The following PDLIM1 variants were observed in gnomAD, a reference collection of about 807,000 sequenced individuals.
PDLIM1 encodes the protein PDZ and LIM domain 1, also known as PDZ and LIM domain protein 1.
Under a neutral mutation model 35.2 loss-of-function variants are expected in PDLIM1, and 25 were observed. The observed-to-expected ratio is 0.71, with a 90% CI of 0.52 to 0.99. PDLIM1 has a LOEUF of 0.99. Among genes scored for constraint, PDLIM1 ranks in the 50% least tolerant of loss-of-function variants. The probability of loss-of-function intolerance (pLI) is 0.00; values close to 1 mark genes in which losing one functional copy is unlikely to be tolerated. For synonymous variants in PDLIM1, 152 were observed against 154.0 expected (o/e 0.99, Z 0.10); for missense variants, 363 against 415.3 (o/e 0.87, Z 1.09).
At chr10:95,273,406 TAC>T (rs2035481470) in intron 1 of PDLIM1, 1 of 152,236 alleles carries the variant, frequency 6.6e-6, no homozygotes. Flanking sequence ...TTTCAGCAGC[TAC>T]AGTTTCCGAT....
chr10:95,239,010 A>AAGAACAG (rs1401470329), intron 5 of PDLIM1, among the ~76,000 whole-genome samples: 1 of 144,324 alleles, frequency 6.9e-6, no homozygotes, highest in Non-Finnish European at 1.6e-5. Context: ...GTACTGGTAG[A>AAGAACAG]AGAACAGAGA....
At chr10:95,265,878 G>C (rs1180119144) in intron 3 of PDLIM1, among the ~76,000 whole-genome samples, 6 of 152,140 alleles carry the variant, frequency 3.9e-5, no homozygotes, top group Admixed American at 3.9e-4. Flanking sequence ...ATCAGCCTGG[G>C]TGACAGAGCT....
intron 3 of PDLIM1, among the ~76,000 whole-genome samples, chr10:95,265,593 CAAAAAAAAAAAAAAA>C (rs56893525): frequency 3.6e-5 from 3 of 84,000 alleles, no homozygotes; most frequent in East Asian, 1.4e-3. Flanking sequence ...GGAACTCTGT[CAAAAAAAAAAAAAAA>C]AAAAAAAAAA....
chr10:95,283,912 TTCTG>T (rs539953345), intron 1 of PDLIM1, among the ~76,000 whole-genome samples: 14 of 152,172 alleles, frequency 9.2e-5, no homozygotes, highest in Non-Finnish European at 1.9e-4. Flanking sequence ...TGTAGATTAA[TTCTG>T]TCTAATTTTA....
At chr10:95,285,532 C>T (rs760025058) in intron 1 of PDLIM1, among the ~76,000 whole-genome samples, 4 of 152,176 alleles carry the variant, frequency 2.6e-5, no homozygotes, top group African/African-American at 7.2e-5. Context: ...AATTGTCTGA[C>T]TTTGTGTTCT....
chr10:95,281,804 A>G (rs1055367046), intron 1 of PDLIM1, among the ~76,000 whole-genome samples: 7 of 152,202 alleles, frequency 4.6e-5, no homozygotes, highest in Admixed American at 4.6e-4. Context: ...TAGAAGTATA[A>G]TAACTCCAAA....
chr10:95,265,084 T>C (rs905431494), intron 3 of PDLIM1, among the ~76,000 whole-genome samples: 3 of 152,156 alleles, frequency 2.0e-5, no homozygotes, highest in Non-Finnish European at 1.5e-5. Context: ...AAAATCTTCC[T>C]GAACTCTAGT....
chr10:95,252,873 T>G (rs45539333), intron 4 of PDLIM1, among the ~76,000 whole-genome samples: 437 of 151,778 alleles, frequency 2.9e-3, no homozygotes, highest in African/African-American at 9.7e-3. Context: ...AAAAAAGAAA[T>G]GAAGAGCCTC....
chr10:95,239,120 T>C (rs1393082589), intron 5 of PDLIM1, among the ~76,000 whole-genome samples: 1 of 152,192 alleles, frequency 6.6e-6, no homozygotes, highest in Admixed American at 6.5e-5. Flanking sequence ...ATTTAATAAA[T>C]GGTGCTGGGA....
intron 5 of PDLIM1, among the ~76,000 whole-genome samples, chr10:95,240,061 T>C (rs1188386333): frequency 6.6e-6 from 1 of 152,184 alleles, no homozygotes; most frequent in Non-Finnish European, 1.5e-5. Flanking sequence ...AGTTCAAACA[T>C]TGTGGAAGAC....
In PDLIM1 at chr10:95,246,148, G is replaced by A. The variant is rs45473504; in HGVS notation, c.685+1067C>T. Among the ~76,000 whole-genome samples the A allele has an allele frequency of 8.8e-3, 1,340 of 152,276 alleles. 28 individuals are homozygous for A. The highest frequency in any genetic ancestry group is 0.031 in the African/African-American group (1,274 of 41,536). On this transcript the variant is annotated intron_variant, in intron 5 of 6. Coordinates refer to ENST00000329399, the MANE Select transcript of PDLIM1 (RefSeq NM_020992.4). ...AGGAAGAGAGAGTGTGGAGGACTGGGCATCACAGGGACCAGGAAAGGGTAC... is the reference window on the plus strand; with the variant it reads ...AGGAAGAGAGAGTGTGGAGGACTGGACATCACAGGGACCAGGAAAGGGTAC...
chr10:95,240,509 G>A (rs55786415), intron 5 of PDLIM1, among the ~76,000 whole-genome samples: 6,819 of 152,248 alleles, frequency 0.045, 522 homozygotes, highest in African/African-American at 0.15. Context: ...GGGAGTGGGG[G>A]AAGGAGAACA....
intron 3 of PDLIM1, 40 bp downstream of exon 3, chr10:95,268,738 T>C (rs572281505): frequency 7.7e-7 from 1 of 1,298,794 alleles, no homozygotes; most frequent in Non-Finnish European, 1.1e-6. Flanking sequence ...GGCAAAGTGC[T>C]GGGTGGTGAG....
intron 4 of PDLIM1, among the ~76,000 whole-genome samples, chr10:95,258,142 A>G (rs555318098): frequency 5.1e-4 from 78 of 152,262 alleles, no homozygotes; most frequent in African/African-American, 1.8e-3. Context: ...CTTAATCACT[A>G]TCATGAGAAC....
chr10:95,264,735 T>A (rs1357651516), intron 3 of PDLIM1, among the ~76,000 whole-genome samples: 2 of 147,950 alleles, frequency 1.4e-5, no homozygotes, highest in Non-Finnish European at 3.0e-5. Context: ...ACTTTTGAGT[T>A]CCTTGTGTTC....
At chr10:95,263,319 C>T (rs1267335060) in intron 4 of PDLIM1, among the ~76,000 whole-genome samples, 1 of 152,124 alleles carries the variant, frequency 6.6e-6, no homozygotes, top group Non-Finnish European at 1.5e-5. Context: ...GAACCTATTC[C>T]TAGGACAAGC....
intron 5 of PDLIM1, among the ~76,000 whole-genome samples, chr10:95,246,708 G>A (rs764231720): frequency 6.6e-6 from 1 of 152,128 alleles, no homozygotes; most frequent in Admixed American, 6.6e-5. Flanking sequence ...GGCCACAAGG[G>A]GGAGCTCTTG....
At chr10:95,246,653 A>G (rs867828255) in intron 5 of PDLIM1, among the ~76,000 whole-genome samples, 1 of 152,340 alleles carries the variant, frequency 6.6e-6, no homozygotes. Flanking sequence ...GAGAAAACAG[A>G]CCTGGGAAGG....
At chr10:95,268,727 C>T (rs1343152226) in intron 3 of PDLIM1, 51 bp downstream of exon 3, 16 of 1,193,374 alleles carry the variant, frequency 1.3e-5, no homozygotes, top group African/African-American at 6.0e-5. Context: ...GTGTCAGAAA[C>T]GGCAAAGTGC....
Sources: gnomAD v4.1 joint callset for allele counts (sites outside exome capture counted in the v4.1 genomes callset) on GRCh38, gnomAD v4.1.1 for gene constraint, MANE v1.5 for transcripts, NCBI Gene and HGNC (gene_info 2026-07-23, HGNC 2026-07-21) for gene names.